The following DLG2 variants were observed in gnomAD, a reference collection of about 807,000 sequenced individuals.
DLG2 encodes the protein disks large homolog 2.
A neutral mutation model predicts 132.5 loss-of-function variants in DLG2; 45 were observed. The ratio of observed to expected loss-of-function variants is 0.34; its 90% CI spans 0.27 to 0.44. DLG2 has a LOEUF of 0.44. Among genes scored for constraint, DLG2 ranks in the 20% least tolerant of loss-of-function variants. The pLI is 1.00. For missense variants in DLG2, 1,045 were observed against 1,196.9 expected (o/e 0.87, Z 1.87); for synonymous variants, 424 against 419.6 (o/e 1.01, Z -0.13).
At chr11:83,470,305 GA>G (rs1156639776) in intron 24 of DLG2, among the ~76,000 whole-genome samples, 1 of 151,864 alleles carries the variant, frequency 6.6e-6, no homozygotes, top group African/African-American at 2.4e-5. Flanking sequence ...TCATCACAGA[GA>G]AAAAATGCAT....
At chr11:85,518,162 A>T (rs2094206897) in intron 3 of DLG2, among the ~76,000 whole-genome samples, 1 of 152,224 alleles carries the variant, frequency 6.6e-6, no homozygotes, top group Non-Finnish European at 1.5e-5. Flanking sequence ...CTGAAAAGGT[A>T]CCTGAAAATG....
chr11:84,691,627 T>C (rs2058053778), intron 6 of DLG2, among the ~76,000 whole-genome samples: 1 of 151,700 alleles, frequency 6.6e-6, no homozygotes, highest in Non-Finnish European at 1.5e-5. Context: ...AAAAATAATC[T>C]ATTCTATATT....
chr11:83,554,408 T>G (rs1164552550), intron 19 of DLG2, among the ~76,000 whole-genome samples: 2 of 152,204 alleles, frequency 1.3e-5, no homozygotes, highest in African/African-American at 2.4e-5. Context: ...ACTCTGTAAA[T>G]TAAAGACTAA....
chr11:84,752,466 T>A (rs1450498750), intron 6 of DLG2, among the ~76,000 whole-genome samples: 1 of 152,092 alleles, frequency 6.6e-6, no homozygotes, highest in Non-Finnish European at 1.5e-5. Flanking sequence ...TGTGGACTAT[T>A]TTATTTTATT....
chr11:83,928,600 ATTTTTTT>A (rs1205358068), intron 15 of DLG2, among the ~76,000 whole-genome samples: 1 of 151,960 alleles, frequency 6.6e-6, no homozygotes, highest in Non-Finnish European at 1.5e-5. Context: ...ATGGGGGGAA[ATTTTTTT>A]CCAGTGAGCA....
At chr11:85,605,981 GA>G (rs1038787608) in intron 2 of DLG2, among the ~76,000 whole-genome samples, 14 of 142,228 alleles carry the variant, frequency 9.8e-5, no homozygotes, top group East Asian at 2.0e-4. Flanking sequence ...CTGTCTCAAA[GA>G]AAAAAAAAAA....
intron 18 of DLG2, among the ~76,000 whole-genome samples, chr11:83,773,356 C>T (rs1055310840): frequency 3.9e-5 from 6 of 152,208 alleles, no homozygotes; most frequent in African/African-American, 1.4e-4. Context: ...GCTTTGTAAA[C>T]TGCAAAGTCT....
chr11:84,282,158 C>T (rs1374759992), intron 7 of DLG2, among the ~76,000 whole-genome samples: 1 of 151,988 alleles, frequency 6.6e-6, no homozygotes. Context: ...TTGCATGCAA[C>T]AGAATAGTGT....
chr11:84,856,535 C>T (rs745359460), intron 6 of DLG2, among the ~76,000 whole-genome samples: 1 of 152,122 alleles, frequency 6.6e-6, no homozygotes, highest in South Asian at 2.1e-4. Flanking sequence ...CCTAAATATA[C>T]CTTGAATATA....
At chr11:84,615,842 T>C (rs562693674) in intron 6 of DLG2, among the ~76,000 whole-genome samples, 2,096 of 58,374 alleles carry the variant, frequency 0.036, 84 homozygotes, top group African/African-American at 0.21. Flanking sequence ...AAAAAAAAAC[T>C]TCATTCCAGT....
chr11:84,545,759 T>G (rs1020360935), intron 6 of DLG2: 4 of 184,216 alleles, frequency 2.2e-5, no homozygotes, highest in Admixed American at 1.1e-4. Flanking sequence ...TTCTTTTTTT[T>G]TTTTTTTTTT....
intron 3 of DLG2, among the ~76,000 whole-genome samples, chr11:85,306,314 C>T (rs904711733): frequency 6.6e-6 from 1 of 152,118 alleles, no homozygotes; most frequent in East Asian, 1.9e-4. Context: ...ACTTTGGATA[C>T]AGCAAAGAGA....
intron 6 of DLG2, among the ~76,000 whole-genome samples, chr11:84,763,612 C>A (rs1227473625): frequency 6.6e-6 from 1 of 152,110 alleles, no homozygotes; most frequent in East Asian, 1.9e-4. Context: ...GTCACATAAA[C>A]ACAAAGTGTC....
chr11:83,770,883 T>G (rs575904653), intron 18 of DLG2, among the ~76,000 whole-genome samples: 1 of 152,218 alleles, frequency 6.6e-6, no homozygotes, highest in Non-Finnish European at 1.5e-5. Flanking sequence ...AAATCCACTT[T>G]TTTTGCTTTC....
rs1031889903 is a variant in DLG2, at chr11:85,626,621, T to G, written c.-127A>C. On this transcript the variant is annotated 5_prime_UTR_variant, in exon 2 of 28. Coordinates refer to ENST00000376104, the MANE Select transcript of DLG2 (RefSeq NM_001142699.3). The stretch of plus-strand genomic sequence containing the variant: ...CACCTGTCTTCTTGACTGGCATTCT[T>G]GGGTCTTTCCACTGCCACAGGAGTC... The G allele has an allele frequency of 6.6e-6, 1 of 152,212 alleles. No individual in the cohort carries two copies. Among genetic ancestry groups the G allele is most frequent in the Admixed American group, 6.5e-5 (1 of 15,276 alleles). The allele number at this position is 152,212 out of a possible 1,614,324, so 9.4% of individuals were successfully genotyped here.
At chr11:84,404,023 T>C (rs2098839888) in intron 7 of DLG2, among the ~76,000 whole-genome samples, 1 of 152,176 alleles carries the variant, frequency 6.6e-6, no homozygotes, top group Non-Finnish European at 1.5e-5. Flanking sequence ...TTTCACTCCA[T>C]CTACTTTTGC....
intron 27 of DLG2, among the ~76,000 whole-genome samples, chr11:83,460,499 A>G (rs2089693289): frequency 6.6e-6 from 1 of 152,226 alleles, no homozygotes; most frequent in South Asian, 2.1e-4. Flanking sequence ...AGCTATTCAT[A>G]TTGAGAATAC....
intron 6 of DLG2, among the ~76,000 whole-genome samples, chr11:84,995,101 T>A (rs1450758641): frequency 6.6e-6 from 1 of 152,196 alleles, no homozygotes; most frequent in Non-Finnish European, 1.5e-5. Context: ...AATAGTGCTT[T>A]CACCATTTAC....
intron 3 of DLG2, among the ~76,000 whole-genome samples, chr11:85,532,001 A>G (rs2075243237): frequency 6.6e-6 from 1 of 152,188 alleles, no homozygotes; most frequent in African/African-American, 2.4e-5. Flanking sequence ...ATTTAACCAT[A>G]TAATTTTATA....
Sources: allele counts gnomAD v4.1 joint callset (sites outside exome capture counted in the v4.1 genomes callset), GRCh38; gene constraint gnomAD v4.1.1; transcripts MANE v1.5; gene names NCBI Gene and HGNC (gene_info 2026-07-23, HGNC 2026-07-21).